The following GRAMD1A variants were observed in gnomAD, a reference collection of about 807,000 sequenced individuals.
GRAMD1A encodes the protein protein Aster-A.
In GRAMD1A, 50 loss-of-function variants were observed where a neutral mutation model predicts 92.0. The ratio of observed to expected loss-of-function variants is 0.54; its 90% CI spans 0.43 to 0.69. The LOEUF (loss-of-function observed/expected upper bound fraction) is 0.69. Among genes scored for constraint, GRAMD1A ranks in the 30% least tolerant of loss-of-function variants. The probability of loss-of-function intolerance (pLI) is 0.00; values close to 1 mark genes in which losing one functional copy is unlikely to be tolerated. For missense variants in GRAMD1A, 819 were observed against 978.9 expected, an observed-to-expected ratio of 0.84 and a Z score of 2.18; for synonymous variants, 405 against 403.6, an observed-to-expected ratio of 1.00 and a Z score of -0.04.
chr19:34,998,118 T>C (rs1342636084), upstream of GRAMD1A: 1 of 144,724 alleles, frequency 6.9e-6, no homozygotes, highest in East Asian at 2.0e-4. Context: ...ACCAACTGCA[T>C]GGCAGGCAGA....
chr19:35,010,438 C>A (rs773518920), intron 6 of GRAMD1A, 59 bp downstream of exon 6: 2 of 1,072,074 alleles, frequency 1.9e-6, no homozygotes, highest in Admixed American at 1.7e-5. Context: ...CCGCCTCCCC[C>A]AAACATGCAA....
At chr19:35,020,772 C>T (rs891049030) in intron 13 of GRAMD1A, among the ~76,000 whole-genome samples, 1 of 152,020 alleles carries the variant, frequency 6.6e-6, no homozygotes, top group Non-Finnish European at 1.5e-5. Flanking sequence ...GGGCGCTGAC[C>T]TGACTCAGGT....
chr19:35,007,722 A>T (rs985212486), intron 1 of GRAMD1A, among the ~76,000 whole-genome samples: 1 of 151,980 alleles, frequency 6.6e-6, no homozygotes, highest in African/African-American at 2.4e-5. Context: ...TTTAAAAATA[A>T]AAAAGCTGAT....
chr19:35,015,811 C>T lies in GRAMD1A; in HGVS notation c.1070-13C>T. The T allele has an allele frequency of 2.5e-6, 4 of 1,612,446 alleles. No individual in the cohort carries two copies. Among genetic ancestry groups the T allele is most frequent in the Non-Finnish European group, 3.4e-6 (4 of 1,179,172 alleles). ...GGAGGCAGTCATCATCCTCGGCTCT[C>T]CTCTGTCTCCAGCGGACTTGGCTGC... On this transcript the variant is annotated splice_polypyrimidine_tract_variant and intron_variant, in intron 10 of 19. Transcript: ENST00000317991.
In GRAMD1A at chr19:35,006,527, A is replaced by G. The variant is rs755262139; in HGVS notation, c.9-2592A>G. 3.9e-5 allele frequency among the ~76,000 whole-genome samples: 6 copies of G among 152,146 alleles called. No homozygotes were observed. In the South Asian group the frequency reaches 6.2e-4, roughly 16 times the overall value. ...AAAGAATGTCCTTTTAAAGTTCCCA[A>G]CGCCATCCCCACAGTCCTTATTACA... On this transcript the variant is annotated intron_variant, in intron 1 of 19. Transcript: ENST00000317991.
intron 17 of GRAMD1A, 125 bp from the exon 18 acceptor site, chr19:35,023,111 C>A: frequency 1.2e-6 from 1 of 828,586 alleles, no homozygotes; most frequent in Non-Finnish European, 2.1e-6. Context: ...TGTCTCTCAT[C>A]CTCTCTGAGC....
intron 11 of GRAMD1A, 26 bp from the exon 12 acceptor site, chr19:35,019,165 C>T: frequency 2.7e-6 from 4 of 1,482,950 alleles, no homozygotes; most frequent in Middle Eastern, 1.7e-4. Context: ...GGTGTGGCCT[C>T]CTCATGCTGC....
chr19:35,000,640 C>CG lies in GRAMD1A; in HGVS notation c.8+158dup. The stretch of plus-strand genomic sequence containing the variant: ...CTGGCCGGGGCGATCGGGGTGGGGG[C>CG]GGGGCAGGGGGCCCCCGGGCGAGGG... On this transcript the variant is annotated intron_variant, in intron 1 of 19. Coordinates refer to ENST00000317991, the MANE Select transcript of GRAMD1A (RefSeq NM_020895.5). The surrounding 1 kb of genome is among the most constrained non-coding windows in gnomAD (Gnocchi z 4.9). Among the ~76,000 whole-genome samples the CG allele has an allele frequency of 1.4e-5, 1 of 71,960 alleles. No individual in the cohort carries two copies. Among genetic ancestry groups the CG allele is most frequent in the Non-Finnish European group, 3.1e-5 (1 of 32,270 alleles). 47.2% of individuals were successfully genotyped at this position (71,960 alleles called of 152,430 possible). A position where few individuals can be genotyped will look rare whatever the true frequency, so the allele number is the denominator to read the frequency against.
Position 35,013,043 on chromosome 19 carries a change from G to C in GRAMD1A, c.607-213G>C, listed in dbSNP as rs1453795319. Reference sequence around the variant, plus strand: ...TCTGGCCAGAGTATTGTGGGGACTTGGGAAGCAGGAAGTTTGAGTCCTGGG... The same window carrying C: ...TCTGGCCAGAGTATTGTGGGGACTTCGGAAGCAGGAAGTTTGAGTCCTGGG... On this transcript the variant is annotated intron_variant, in intron 7 of 19. Transcript: ENST00000317991. The surrounding 1 kb of genome is among the most constrained non-coding windows in gnomAD (Gnocchi z 4.9). 1.8e-6 allele frequency: 1 copy of C among 558,222 alleles called. No individual in the cohort carries two copies. The highest frequency in any genetic ancestry group is 2.8e-5 in the East Asian group (1 of 35,518). The allele number at this position is 558,222 out of a possible 1,614,324, so 34.6% of individuals were successfully genotyped here.
In GRAMD1A at chr19:35,021,821, C is replaced by T. The variant is rs1287358038; in HGVS notation, c.1710C>T (p.His570=). The T allele has an allele frequency of 6.2e-6, 10 of 1,607,734 alleles. No homozygotes were observed. Among genetic ancestry groups the T allele is most frequent in the Non-Finnish European group, 8.5e-6 (10 of 1,176,938 alleles). ...GGGCTCACGGGGACGGGCCCCAGCA[C>T]CCAGATCCTGACCCCTGTGCCCGGG... The part of the protein sequence containing the change: ...SWRAHGDGPQ[H]PDPDPCARAG... Residue 570 remains histidine, a synonymous_variant, in exon 15 of 20, where the codon CAC becomes CAT. Transcript: ENST00000317991. The surrounding 1 kb of genome is among the most constrained non-coding windows in gnomAD (Gnocchi z 5.3).
In GRAMD1A at chr19:35,021,824, A is replaced by G. The variant is rs766647303; in HGVS notation, c.1713A>G (p.Pro571=). The G allele has an allele frequency of 8.5e-5, 137 of 1,607,728 alleles. No individual in the cohort carries two copies. The highest frequency in any genetic ancestry group is 1.1e-4 in the Non-Finnish European group (124 of 1,176,898). ...WRAHGDGPQH[P]DPDPCARAGI... ...CTCACGGGGACGGGCCCCAGCACCC[A>G]GATCCTGACCCCTGTGCCCGGGCCG... The change falls in exon 15 of 20, where the codon CCA becomes CCG. Residue 571 remains proline (P), a synonymous_variant. Transcript: ENST00000317991. The surrounding 1 kb of genome is among the most constrained non-coding windows in gnomAD (Gnocchi z 5.3).
chr19:35,000,099 C>T, upstream of GRAMD1A: 1 of 989,350 alleles, frequency 1.0e-6, no homozygotes, highest in South Asian at 4.7e-5. The surrounding 1 kb of genome is among the most constrained non-coding windows in gnomAD (Gnocchi z 4.9). Context: ...GCTGCCTCCA[C>T]GATGTTTGGT....
intron 3 of GRAMD1A, chr19:35,009,669 G>A (rs1376579090): frequency 3.1e-6 from 2 of 639,174 alleles, no homozygotes; most frequent in Admixed American, 2.6e-5. Flanking sequence ...CAAGGCTGAA[G>A]GGAACATTGA....
chr19:35,006,979 G>T (rs2014867868), intron 1 of GRAMD1A, among the ~76,000 whole-genome samples: 1 of 152,194 alleles, frequency 6.6e-6, no homozygotes, highest in African/African-American at 2.4e-5. Context: ...CTTGGCGTGG[G>T]AATGAGATTG....
At chr19:35,009,535 T>C (rs377638980) in intron 3 of GRAMD1A, 92 bp downstream of exon 3, 55 of 1,293,960 alleles carry the variant, frequency 4.3e-5, no homozygotes, top group Non-Finnish European at 5.1e-5. Flanking sequence ...GAGTGCGTGC[T>C]GAGATGGAGT....
intron 13 of GRAMD1A, among the ~76,000 whole-genome samples, chr19:35,020,245 A>G (rs951558848): frequency 3.9e-5 from 6 of 152,120 alleles, no homozygotes; most frequent in Admixed American, 3.9e-4. Flanking sequence ...AATTTTTTTT[A>G]AATTAGCCAG....
chr19:34,998,120 G>T (rs1314127133), upstream of GRAMD1A: 1 of 151,130 alleles, frequency 6.6e-6, no homozygotes, highest in Non-Finnish European at 1.5e-5. Context: ...CAACTGCATG[G>T]CAGGCAGAAG....
rs1265891810 is a variant in GRAMD1A at position 35,000,593 on chromosome 19, T to C, written c.8+107T>C. 1.4e-5 allele frequency: 6 copies of C among 431,430 alleles called. No individual in the cohort carries two copies. Among genetic ancestry groups the C allele is most frequent in the African/African-American group, 4.8e-5 (2 of 41,390 alleles). 26.7% of individuals were successfully genotyped at this position (431,430 alleles called of 1,614,324 possible). A position where few individuals can be genotyped will look rare whatever the true frequency, so the allele number is the denominator to read the frequency against. On this transcript the variant is annotated intron_variant, in intron 1 of 19. Coordinates refer to ENST00000317991, the MANE Select transcript of GRAMD1A (RefSeq NM_020895.5). The surrounding 1 kb of genome is among the most constrained non-coding windows in gnomAD (Gnocchi z 4.9). ...GGGGGCGGAGCGGCCGCTGCAGAGG[T>C]CGGGGGCCTCTGCACATGGCTCTGG... is the stretch of plus-strand genomic sequence containing the variant.
At chr19:35,025,741 A>G (rs555135296) in intron 19 of GRAMD1A, among the ~76,000 whole-genome samples, 27 of 152,268 alleles carry the variant, frequency 1.8e-4, no homozygotes, top group African/African-American at 6.0e-4. Context: ...CCCGTATTTC[A>G]AATGAGGGGA....
Sources: gnomAD v4.1 joint callset for allele counts (sites outside exome capture counted in the v4.1 genomes callset) on GRCh38, gnomAD v4.1.1 for gene constraint, Gnocchi (gnomAD v3.1) non-coding constraint, MANE v1.5 for transcripts, NCBI Gene and HGNC (gene_info 2026-07-23, HGNC 2026-07-21) for gene names.